The following DISC1 variants were observed in gnomAD, a reference collection of about 807,000 sequenced individuals.
DISC1 encodes the protein disrupted in schizophrenia 1 protein.
Under a neutral mutation model 84.5 loss-of-function variants are expected in DISC1, and 57 were observed. That is an observed-to-expected ratio of 0.67 (90% confidence interval 0.55 to 0.84). The LOEUF (loss-of-function observed/expected upper bound fraction) is 0.84. Among genes scored for constraint, DISC1 ranks in the 40% least tolerant of loss-of-function variants. The pLI, the probability that DISC1 is intolerant of heterozygous loss-of-function variation, is 0.00. For missense variants in DISC1, 1,000 were observed against 1,057.8 expected, an observed-to-expected ratio of 0.95 and a Z score of 0.76; for synonymous variants, 411 against 415.2, an observed-to-expected ratio of 0.99 and a Z score of 0.12.
intron 1 of DISC1, among the ~76,000 whole-genome samples, chr1:231,690,843 C>A (rs143049395): frequency 6.6e-6 from 1 of 152,140 alleles, no homozygotes; most frequent in African/African-American, 2.4e-5. Context: ...TAGTGTGTGA[C>A]AGTCTTTGCT....
At chr1:231,892,779 T>G (rs1022408123) in intron 9 of DISC1, among the ~76,000 whole-genome samples, 14 of 151,796 alleles carry the variant, frequency 9.2e-5, no homozygotes, top group African/African-American at 2.7e-4. Context: ...AATGGATAAA[T>G]AAATAAATAA....
chr1:231,635,260 A>G (rs1240733377), intron 1 of DISC1, among the ~76,000 whole-genome samples: 3 of 152,074 alleles, frequency 2.0e-5, no homozygotes, highest in African/African-American at 7.2e-5. Flanking sequence ...AATTCTTAGC[A>G]TCTCTTTTCA....
intron 9 of DISC1, among the ~76,000 whole-genome samples, chr1:231,934,894 G>C (rs922300904): frequency 6.6e-6 from 1 of 152,178 alleles, no homozygotes; most frequent in African/African-American, 2.4e-5. Flanking sequence ...AGTTGATTTA[G>C]AGAGCGGTTT....
At chr1:231,862,171 T>C (rs56035808) in intron 9 of DISC1, among the ~76,000 whole-genome samples, 7,977 of 152,236 alleles carry the variant, frequency 0.052, 695 homozygotes, top group African/African-American at 0.18. Context: ...TCATTTCTGA[T>C]TTACAAAACA....
intron 12 of DISC1, among the ~76,000 whole-genome samples, chr1:232,027,218 T>C (rs1669561933): frequency 6.6e-6 from 1 of 152,354 alleles, no homozygotes; most frequent in South Asian, 2.1e-4. Flanking sequence ...GCTTTTTCAA[T>C]ACCAAGCGTC....
chr1:231,896,101 C>G (rs888561026), intron 9 of DISC1, among the ~76,000 whole-genome samples: 1 of 152,178 alleles, frequency 6.6e-6, no homozygotes. Context: ...TTCCCCCTTC[C>G]TATGAGTTTC....
At position 231,849,596 on chromosome 1, in the gene DISC1, G is replaced by A. The variant is rs115945515; in HGVS notation, c.1981+31079G>A. ...TGTGTATATGTGTGTGTATGTGTGC[G>A]TGTGTTTCCCTCATACCATTTTGCT... On this transcript the variant is annotated intron_variant, in intron 9 of 12. Coordinates refer to ENST00000439617, the MANE Select transcript of DISC1 (RefSeq NM_018662.3). Among the ~76,000 whole-genome samples, 210 of 152,208 alleles carry A rather than the reference G, an allele frequency of 1.4e-3. 2 individuals are homozygous for A. The highest frequency in any genetic ancestry group is 4.8e-3 in the African/African-American group (198 of 41,542).
chr1:231,728,734 T>C (rs1162341146), intron 3 of DISC1, among the ~76,000 whole-genome samples: 1 of 152,246 alleles, frequency 6.6e-6, no homozygotes, highest in Admixed American at 6.5e-5. Flanking sequence ...ATTTTACTTC[T>C]AAAATCTGCA....
chr1:231,670,658 T>G (rs1280586671), intron 1 of DISC1: 1 of 152,244 alleles, frequency 6.6e-6, no homozygotes, highest in African/African-American at 2.4e-5. Flanking sequence ...CTTCAGATCA[T>G]ATAAATCTTG....
At chr1:231,906,709 A>G (rs1156310150) in intron 9 of DISC1, among the ~76,000 whole-genome samples, 1 of 147,200 alleles carries the variant, frequency 6.8e-6, no homozygotes, top group Non-Finnish European at 1.5e-5. Context: ...CCTTGCCCTT[A>G]TTGCTCCACC....
At chr1:231,958,965 G>T (rs572308320) in intron 10 of DISC1, 77 bp downstream of exon 10, 2 of 1,512,680 alleles carry the variant, frequency 1.3e-6, no homozygotes, top group Non-Finnish European at 1.8e-6. Context: ...TAGTTAAATC[G>T]ATGAAAAAGG....
intron 3 of DISC1, among the ~76,000 whole-genome samples, chr1:231,705,345 CAA>C (rs2066954395): frequency 1.2e-5 from 1 of 85,066 alleles, no homozygotes; most frequent in Non-Finnish European, 2.4e-5. Flanking sequence ...TAAAGGCAGA[CAA>C]AGACAGTCCC....
chr1:232,033,353 C>T (rs1670231782), intron 12 of DISC1, among the ~76,000 whole-genome samples: 2 of 152,224 alleles, frequency 1.3e-5, no homozygotes, highest in Admixed American at 6.5e-5. Context: ...TGCCACTGCC[C>T]TGTTCAAGCC....
At chr1:231,875,561 T>A (rs2085822502) in intron 9 of DISC1, among the ~76,000 whole-genome samples, 1 of 152,200 alleles carries the variant, frequency 6.6e-6, no homozygotes, top group African/African-American at 2.4e-5. Flanking sequence ...CTCACTGTTT[T>A]CTCATCTGTA....
At chr1:231,806,484 A>G (rs2759348) in intron 8 of DISC1, among the ~76,000 whole-genome samples, 1 of 152,124 alleles carries the variant, frequency 6.6e-6, no homozygotes, top group Non-Finnish European at 1.5e-5. Context: ...GAGCTGGGCC[A>G]CATATTGTTA....
chr1:231,655,314 G>A (rs2060964429), intron 1 of DISC1, among the ~76,000 whole-genome samples: 1 of 152,086 alleles, frequency 6.6e-6, no homozygotes, highest in African/African-American at 2.4e-5. Context: ...TGTATCCATA[G>A]CTTAGCTCCC....
chr1:231,962,000 T>C (rs1192423567), intron 10 of DISC1, among the ~76,000 whole-genome samples: 1 of 152,238 alleles, frequency 6.6e-6, no homozygotes, highest in African/African-American at 2.4e-5. Context: ...CCACCAACAA[T>C]GTATAAGTGT....
intron 9 of DISC1, among the ~76,000 whole-genome samples, chr1:231,912,126 T>G (rs1212120355): frequency 6.6e-6 from 1 of 152,218 alleles, no homozygotes; most frequent in Non-Finnish European, 1.5e-5. Context: ...AACATCCTCC[T>G]TTAGCTCGGA....
chr1:231,646,073 C>T (rs1448749468), intron 1 of DISC1, among the ~76,000 whole-genome samples: 1 of 145,380 alleles, frequency 6.9e-6, no homozygotes, highest in African/African-American at 2.6e-5. Context: ...TTTTTTTTTA[C>T]AATAACAGTG....
Sources: gnomAD v4.1 joint callset for allele counts (sites outside exome capture counted in the v4.1 genomes callset) on GRCh38, gnomAD v4.1.1 for gene constraint, MANE v1.5 for transcripts, NCBI Gene and HGNC (gene_info 2026-07-23, HGNC 2026-07-21) for gene names.